Variants in LIN28B observed in about 807,000 individuals in gnomAD.
The protein encoded by LIN28B is protein lin-28 homolog B.
A neutral mutation model predicts 21.9 loss-of-function variants in LIN28B; 5 were observed. The ratio of observed to expected loss-of-function variants is 0.23; its 90% CI spans 0.12 to 0.48. The LOEUF (loss-of-function observed/expected upper bound fraction) is 0.48. Ranked by LOEUF, LIN28B falls within the 20% of genes least tolerant of loss-of-function variation. The pLI is 0.98. For missense variants in LIN28B, 245 were observed against 310.5 expected (o/e 0.79, Z 1.58); for synonymous variants, 109 against 111.3 (o/e 0.98, Z 0.13).
intron 3 of LIN28B, among the ~76,000 whole-genome samples, chr6:105,058,570 T>G (rs1197421986): frequency 6.6e-6 from 1 of 152,224 alleles, no homozygotes; most frequent in Non-Finnish European, 1.5e-5. Flanking sequence ...CCTAGTTTTC[T>G]GCTTTCACTT....
In LIN28B at chr6:105,053,216, A is replaced by G. The variant is rs1226068078; in HGVS notation, c.384-25198A>G. ...AGAAAACATATTCTGTAAGATTTCC[A>G]CTTTGTGAAATTTATTGACTTTTTT... On this transcript the variant is annotated intron_variant, in intron 3 of 3. Transcript: ENST00000345080. Among the ~76,000 whole-genome samples the G allele has an allele frequency of 2.6e-5, 4 of 152,116 alleles. No individual in the cohort carries two copies. The East Asian group carries it at 7.7e-4, about 29-fold the overall frequency.
intron 2 of LIN28B, among the ~76,000 whole-genome samples, chr6:105,003,504 T>TA (rs1770757530): frequency 6.6e-6 from 1 of 152,004 alleles, no homozygotes; most frequent in Admixed American, 6.6e-5. Flanking sequence ...CCCTGTGCCT[T>TA]ACTGATTTTT....
chr6:105,028,033 G>A (rs2114343769), intron 3 of LIN28B, among the ~76,000 whole-genome samples: 1 of 152,272 alleles, frequency 6.6e-6, no homozygotes, highest in Admixed American at 6.5e-5. Context: ...GTGGTTTTCT[G>A]CTCCCATGGA....
At chr6:105,011,780 G>C (rs1469190363) in intron 2 of LIN28B, among the ~76,000 whole-genome samples, 1 of 152,130 alleles carries the variant, frequency 6.6e-6, no homozygotes, top group African/African-American at 2.4e-5. Context: ...GGGACGTGGA[G>C]GTTGCAGTTA....
intron 3 of LIN28B, among the ~76,000 whole-genome samples, chr6:105,049,335 G>A (rs1219690228): frequency 1.3e-5 from 2 of 152,182 alleles, no homozygotes; most frequent in East Asian, 1.9e-4. Context: ...TTAATCCTGA[G>A]TTCTAGTTTG....
At chr6:105,062,012 C>T (rs1005710057) in intron 3 of LIN28B, among the ~76,000 whole-genome samples, 4 of 152,092 alleles carry the variant, frequency 2.6e-5, no homozygotes, top group African/African-American at 9.7e-5. Context: ...TTTTCTACTT[C>T]GGTGTTATAC....
At chr6:105,062,155 G>A (rs1772133574) in intron 3 of LIN28B, among the ~76,000 whole-genome samples, 3 of 151,518 alleles carry the variant, frequency 2.0e-5, no homozygotes. Flanking sequence ...ACTGCTCCTT[G>A]CGGAGCAGGG....
At chr6:105,020,990 C>T (rs185449878) in intron 2 of LIN28B, among the ~76,000 whole-genome samples, 2 of 150,580 alleles carry the variant, frequency 1.3e-5, no homozygotes, top group East Asian at 4.0e-4. Context: ...TTCCTGACCT[C>T]GTAATCCACC....
chr6:105,046,385 A>G (rs982027329), intron 3 of LIN28B, among the ~76,000 whole-genome samples: 8 of 152,330 alleles, frequency 5.3e-5, no homozygotes, highest in African/African-American at 1.7e-4. Context: ...CATGGTGTAT[A>G]TGTGCCACAT....
intron 3 of LIN28B, chr6:105,057,929 A>C (rs779888994): frequency 1.3e-5 from 3 of 238,340 alleles, no homozygotes; most frequent in Admixed American, 6.1e-5. Flanking sequence ...TTATAGTCTG[A>C]ATCTGAGCAA....
At chr6:105,010,857 T>G (rs976846373) in intron 2 of LIN28B, among the ~76,000 whole-genome samples, 3 of 152,212 alleles carry the variant, frequency 2.0e-5, no homozygotes, top group Admixed American at 6.5e-5. Flanking sequence ...ATGTCCCTCT[T>G]TAGTCAGTCC....
chr6:104,965,678 T>C (rs916203696), intron 2 of LIN28B, among the ~76,000 whole-genome samples: 73 of 152,186 alleles, frequency 4.8e-4, no homozygotes, highest in Non-Finnish European at 1.0e-4. Flanking sequence ...TGAGCAACAG[T>C]GCCAGGCCTA....
chr6:105,020,435 G>A (rs995718602), intron 2 of LIN28B, among the ~76,000 whole-genome samples: 1 of 151,508 alleles, frequency 6.6e-6, no homozygotes, highest in African/African-American at 2.4e-5. Context: ...GCTCACTGCA[G>A]CCTCCCTAGT....
intron 1 of LIN28B, among the ~76,000 whole-genome samples, chr6:104,957,610 G>A (rs1778309534): frequency 6.6e-6 from 1 of 151,728 alleles, no homozygotes; most frequent in African/African-American, 2.4e-5. Flanking sequence ...AAAGTTATGG[G>A]GGGGAGGGGA....
At chr6:104,961,469 C>T (rs1188645443) in intron 2 of LIN28B, among the ~76,000 whole-genome samples, 2 of 150,976 alleles carry the variant, frequency 1.3e-5, no homozygotes, top group East Asian at 1.9e-4. Flanking sequence ...GGTGAGATCT[C>T]GGCTCACTGC....
chr6:105,010,709 A>C (rs1035791030), intron 2 of LIN28B, among the ~76,000 whole-genome samples: 1 of 152,210 alleles, frequency 6.6e-6, no homozygotes. Flanking sequence ...ACTAGAGTTC[A>C]CTATCTTTTT....
intron 2 of LIN28B, among the ~76,000 whole-genome samples, chr6:104,973,140 T>C (rs1434997804): frequency 6.6e-6 from 1 of 151,640 alleles, no homozygotes. Flanking sequence ...TAACAAATGA[T>C]GTTTGGGAAA....
intron 2 of LIN28B, chr6:104,939,578 G>A (rs1778055352): frequency 6.6e-6 from 1 of 152,220 alleles, no homozygotes; most frequent in East Asian, 1.9e-4. Flanking sequence ...TCCAGAAATT[G>A]GAAGGGAGAA....
intron 2 of LIN28B, among the ~76,000 whole-genome samples, chr6:105,016,048 G>C (rs184253611): frequency 1.3e-5 from 2 of 152,056 alleles, no homozygotes; most frequent in East Asian, 3.9e-4. Flanking sequence ...TTTCAACAGT[G>C]CAACATTAAT....
Sources: allele counts gnomAD v4.1 joint callset (sites outside exome capture counted in the v4.1 genomes callset), GRCh38; gene constraint gnomAD v4.1.1; transcripts MANE v1.5; gene names NCBI Gene and HGNC (gene_info 2026-07-23, HGNC 2026-07-21).